PHF21A: variants seen among roughly 807,000 people sequenced by gnomAD.
PHF21A encodes PHD finger protein 21A.
PHF21A carries 11 observed loss-of-function variants against 82.5 expected under a neutral mutation model. The ratio of observed to expected loss-of-function variants is 0.13; its 90% confidence interval spans 0.08 to 0.22. The LOEUF (loss-of-function observed/expected upper bound fraction) is 0.22. Among genes scored for constraint, PHF21A ranks in the 10% least tolerant of loss-of-function variants. The pLI is 1.00. For missense variants in PHF21A, 579 were observed against 837.8 expected (o/e 0.69, Z 3.81); for synonymous variants, 297 against 302.8 (o/e 0.98, Z 0.20).
chr11:46,083,255 C>T (rs1419730437), intron 4 of PHF21A, among the ~76,000 whole-genome samples: 2 of 152,028 alleles, frequency 1.3e-5, no homozygotes, highest in East Asian at 1.9e-4. Flanking sequence ...AAGAGTTTAA[C>T]GAGATCCGGA....
At chr11:46,063,991 C>CTTT (rs1396966400) in intron 6 of PHF21A, among the ~76,000 whole-genome samples, 1 of 152,142 alleles carries the variant, frequency 6.6e-6, no homozygotes, top group African/African-American at 2.4e-5. Flanking sequence ...ATCACATACT[C>CTTT]AGAAAAACAA....
chr11:46,056,504 C>CT (rs1267110757), intron 6 of PHF21A, among the ~76,000 whole-genome samples: 7 of 152,006 alleles, frequency 4.6e-5, no homozygotes, highest in African/African-American at 1.2e-4. Flanking sequence ...AGAAATTGGG[C>CT]TTTTAAAAAA....
chr11:45,934,037 G>T lies in PHF21A; in HGVS notation c.1977C>A (p.Ser659=), dbSNP rs1279163661. The T allele has an allele frequency of 1.2e-6, 2 of 1,613,192 alleles. No individual in the cohort carries two copies. The highest frequency in any genetic ancestry group is 1.7e-6 in the Non-Finnish European group (2 of 1,179,490). Residue 659 remains serine (S), a synonymous_variant, in exon 19 of 19, where the codon TCC becomes TCA. Transcript: ENST00000676320. The stretch of plus-strand genomic sequence containing the variant: ...GGGAGGAGGGGGAAGGGGCCGGCGT[G>T]GAGGTGGCGGCATTGGCAGGGGGGG... The part of the protein sequence containing the change: ...DCTPPANAAT[S]TPAPSPSSQS...
At chr11:45,962,840 C>T (rs1466172554) in intron 10 of PHF21A, among the ~76,000 whole-genome samples, 1 of 151,732 alleles carries the variant, frequency 6.6e-6, no homozygotes, top group Admixed American at 6.6e-5. Flanking sequence ...TTGCAGTGAG[C>T]CGGGATCGTG....
intron 1 of PHF21A, among the ~76,000 whole-genome samples, chr11:46,093,642 T>C (rs1274617633): frequency 6.6e-6 from 1 of 152,188 alleles, no homozygotes; most frequent in African/African-American, 2.4e-5. Flanking sequence ...ACTACTGATA[T>C]CTACAGGACT....
At chr11:45,942,697 C>T (rs1243538678) in intron 15 of PHF21A, among the ~76,000 whole-genome samples, 2 of 152,150 alleles carry the variant, frequency 1.3e-5, no homozygotes, top group South Asian at 4.1e-4. Context: ...TCTTCTATGA[C>T]CCTAGTCCTC....
chr11:45,971,730 A>G (rs2093757719), intron 7 of PHF21A, among the ~76,000 whole-genome samples: 1 of 151,950 alleles, frequency 6.6e-6, no homozygotes, highest in African/African-American at 2.4e-5. Context: ...CTTGCTGTCA[A>G]TTAATTTAAA....
At chr11:46,073,422 G>A (rs1279071192) in intron 6 of PHF21A, among the ~76,000 whole-genome samples, 1 of 151,806 alleles carries the variant, frequency 6.6e-6, no homozygotes, top group Non-Finnish European at 1.5e-5. Context: ...TGTGAACTAT[G>A]CCTGAAACAG....
chr11:46,008,492 A>G (rs2095345948), intron 6 of PHF21A, among the ~76,000 whole-genome samples: 1 of 152,158 alleles, frequency 6.6e-6, no homozygotes, highest in African/African-American at 2.4e-5. Flanking sequence ...GAGAAGTGCC[A>G]ATGTCTTGAA....
At chr11:46,093,433 C>CATG (rs2096952086) in intron 1 of PHF21A, among the ~76,000 whole-genome samples, 1 of 152,182 alleles carries the variant, frequency 6.6e-6, no homozygotes, top group Non-Finnish European at 1.5e-5. Flanking sequence ...GGCCCCAGTT[C>CATG]ATGCAGTTAG....
intron 6 of PHF21A, among the ~76,000 whole-genome samples, chr11:46,017,203 T>G (rs1479305552): frequency 6.6e-6 from 1 of 152,164 alleles, no homozygotes; most frequent in Non-Finnish European, 1.5e-5. Context: ...ACTCCCGACC[T>G]CAGGTGATCC....
At position 45,930,905 on chromosome 11, in the gene PHF21A, G is replaced by GCCCCCCCCCCCCC. The variant is rs61505607; in HGVS notation, c.*3062_*3063insGGGGGGGGGGGGG. 8.1e-5 allele frequency: 11 copies of GCCCCCCCCCCCCC among 135,642 alleles called. No individual in the cohort carries two copies. The highest frequency in any genetic ancestry group is 4.9e-4 in the South Asian group (2 of 4,096). 8.4% of individuals were successfully genotyped at this position (135,642 alleles called of 1,614,324 possible). ...GAGCGTATGTCTCAGGTGGTCACAG[G>GCCCCCCCCCCCCC]CCCCCCCCCCTCCCCGCCCAGGTCT... On this transcript the variant is annotated 3_prime_UTR_variant, in exon 19 of 19. Coordinates refer to ENST00000676320, the MANE Select transcript of PHF21A (RefSeq NM_001352027.3).
intron 6 of PHF21A, among the ~76,000 whole-genome samples, chr11:45,990,255 T>A (rs1353054811): frequency 1.1e-5 from 1 of 90,150 alleles, no homozygotes. Flanking sequence ...ATCTTCTTTT[T>A]TTTTTTTTTT....
At chr11:46,037,762 A>G (rs2096044522) in intron 6 of PHF21A, among the ~76,000 whole-genome samples, 1 of 151,976 alleles carries the variant, frequency 6.6e-6, no homozygotes, top group Non-Finnish European at 1.5e-5. Context: ...TTACTTGAGA[A>G]CTTGAACAAT....
chr11:46,029,684 A>AC (rs2095826679), intron 6 of PHF21A, among the ~76,000 whole-genome samples: 1 of 152,104 alleles, frequency 6.6e-6, no homozygotes, highest in Non-Finnish European at 1.5e-5. Flanking sequence ...AAAAAAAAAA[A>AC]AACTGTCTTC....
intron 10 of PHF21A, among the ~76,000 whole-genome samples, chr11:45,954,859 T>C (rs147482023): frequency 5.3e-4 from 81 of 152,362 alleles, no homozygotes; most frequent in East Asian, 1.9e-3. Context: ...CATGAGACTT[T>C]GGTCCTACAA....
At chr11:45,938,720 G>A (rs1296665673) in intron 15 of PHF21A, among the ~76,000 whole-genome samples, 1 of 152,216 alleles carries the variant, frequency 6.6e-6, no homozygotes, top group African/African-American at 2.4e-5. Context: ...AGATGGGAAT[G>A]AGGTCTATCT....
chr11:46,072,183 T>G (rs1356803048), intron 6 of PHF21A, among the ~76,000 whole-genome samples: 3 of 152,222 alleles, frequency 2.0e-5, no homozygotes, highest in Non-Finnish European at 4.4e-5. Context: ...CAGTATTTAT[T>G]TCCCAATTCT....
At chr11:45,976,978 CA>C (rs1170249908) in intron 7 of PHF21A, among the ~76,000 whole-genome samples, 1 of 152,082 alleles carries the variant, frequency 6.6e-6, no homozygotes. Context: ...AAAAGGTTGG[CA>C]AAATCAATTA....
Sources: gnomAD v4.1 joint callset for allele counts (sites outside exome capture counted in the v4.1 genomes callset) on GRCh38, gnomAD v4.1.1 for gene constraint, MANE v1.5 for transcripts, NCBI Gene and HGNC (gene_info 2026-07-23, HGNC 2026-07-21) for gene names.